Variants in KDM4B observed in about 807,000 individuals in gnomAD.
KDM4B encodes the protein lysine demethylase 4B.
In KDM4B, 32 loss-of-function variants were observed where a neutral mutation model predicts 125.2. The ratio of observed to expected loss-of-function variants is 0.26; its 90% CI spans 0.19 to 0.34. KDM4B has a LOEUF of 0.34. KDM4B is among the 10% of genes least tolerant of loss of function. The probability of loss-of-function intolerance (pLI) is 1.00; values close to 1 mark genes in which losing one functional copy is unlikely to be tolerated. For missense variants in KDM4B, 1,190 were observed against 1,577.7 expected, an observed-to-expected ratio of 0.75 and a Z score of 4.16; for synonymous variants, 721 against 677.9, an observed-to-expected ratio of 1.06 and a Z score of -0.99.
chr19:5,137,073 G>A (rs961901393), intron 15 of KDM4B, among the ~76,000 whole-genome samples, 189 bp from the exon 16 acceptor site: 1 of 152,214 alleles, frequency 6.6e-6, no homozygotes, highest in Non-Finnish European at 1.5e-5. Context: ...TCCACATGCA[G>A]TGGCCTGGAT....
chr19:5,090,229 C>T (rs1013609167), intron 9 of KDM4B, among the ~76,000 whole-genome samples: 8 of 152,076 alleles, frequency 5.3e-5, no homozygotes, highest in South Asian at 2.1e-4. Flanking sequence ...GCAGGCTTGC[C>T]TCCCTAGCCA....
intron 1 of KDM4B, among the ~76,000 whole-genome samples, chr19:4,985,757 C>T (rs8105691): frequency 0.29 from 44,497 of 152,166 alleles, 7,201 homozygotes; most frequent in East Asian, 0.68. Flanking sequence ...CTGCCCCCAG[C>T]GTTGGGCCAG....
chr19:5,070,908 C>T, intron 6 of KDM4B, 102 bp from the exon 7 acceptor site: 1 of 1,235,602 alleles, frequency 8.1e-7, no homozygotes, highest in Non-Finnish European at 1.2e-6. Flanking sequence ...TTGCTTCTGC[C>T]CTGGGCACTG....
rs2145871392 is a variant in KDM4B, at chr19:5,082,328, T to C, written c.781-39T>C. On this transcript the variant is annotated intron_variant, in intron 8 of 22. Coordinates refer to ENST00000159111, the MANE Select transcript of KDM4B (RefSeq NM_015015.3). The surrounding 1 kb of genome is among the most constrained non-coding windows in gnomAD (Gnocchi z 5.4). ...CACGTCCCATCCCCTGGTGCGCCTC[T>C]GGTGGCCCTGCCCTCACCTGTCTCC... The C allele has an allele frequency of 1.2e-6, 2 of 1,612,072 alleles. No homozygotes were observed.
intron 1 of KDM4B, among the ~76,000 whole-genome samples, chr19:4,977,103 T>G (rs1439190237): frequency 6.6e-6 from 1 of 152,068 alleles, no homozygotes; most frequent in African/African-American, 2.4e-5. Context: ...CTCCCTTCCC[T>G]CTTTCTTTTC....
At chr19:5,032,258 T>C (rs1230506104) in intron 2 of KDM4B, among the ~76,000 whole-genome samples, 1 of 152,222 alleles carries the variant, frequency 6.6e-6, no homozygotes, top group Non-Finnish European at 1.5e-5. Flanking sequence ...GGCTGGTTTA[T>C]GACCCGCGTG....
intron 10 of KDM4B, among the ~76,000 whole-genome samples, chr19:5,116,945 C>T (rs943311946): frequency 7.2e-5 from 11 of 152,144 alleles, no homozygotes; most frequent in African/African-American, 2.4e-4. Flanking sequence ...TGCAGAAACA[C>T]GCGAAGGGGG....
At chr19:5,119,366 C>T (rs1176116472) in intron 10 of KDM4B, 24 of 663,608 alleles carry the variant, frequency 3.6e-5, no homozygotes, top group East Asian at 8.1e-5. Context: ...TGGTGTCAGT[C>T]GGCTTCCCAT....
chr19:5,077,534 C>A, intron 8 of KDM4B, 64 bp downstream of exon 8: 1 of 1,326,756 alleles, frequency 7.5e-7, no homozygotes, highest in Non-Finnish European at 1.1e-6. Flanking sequence ...GCCCAGGTGG[C>A]CGCACATACC....
At chr19:5,009,793 G>A (rs1325609725) in intron 1 of KDM4B, among the ~76,000 whole-genome samples, 4 of 151,874 alleles carry the variant, frequency 2.6e-5, no homozygotes, top group East Asian at 1.9e-4. Context: ...GTGCAGGGGC[G>A]CCATCTTGGC....
intron 1 of KDM4B, among the ~76,000 whole-genome samples, chr19:4,981,577 C>G (rs559707252): frequency 1.3e-5 from 2 of 152,166 alleles, no homozygotes; most frequent in African/African-American, 4.8e-5. Flanking sequence ...CTGGACGTCC[C>G]CCCAGGAGGT....
rs1360801202 is a variant in KDM4B, at chr19:5,137,671, T to C, written c.2436T>C (p.Asp812=). The change falls in exon 17 of 23, where the codon GAT becomes GAC. Residue 812 remains aspartate, a synonymous_variant. Transcript: ENST00000159111. The part of the protein sequence containing the change: ...LRGGALQMTT[D]RRWIHVICAI... The stretch of plus-strand genomic sequence containing the variant: ...GAGGTGCGCTGCAGATGACCACCGA[T>C]AGGAGGTGGGTGGCACCGCGCGTTG... 3.1e-6 allele frequency: 5 copies of C among 1,589,008 alleles called. No homozygotes were observed. The highest frequency in any genetic ancestry group is 1.3e-5 in the African/African-American group (1 of 74,390).
intron 2 of KDM4B, among the ~76,000 whole-genome samples, chr19:5,018,949 C>T (rs1204682163): frequency 6.6e-6 from 1 of 152,258 alleles, no homozygotes; most frequent in East Asian, 1.9e-4. Flanking sequence ...GGGCGACCTG[C>T]TCCCCTGCTG....
At chr19:5,120,089 G>A (rs2039332458) in intron 11 of KDM4B, among the ~76,000 whole-genome samples, 1 of 152,200 alleles carries the variant, frequency 6.6e-6, no homozygotes, top group Non-Finnish European at 1.5e-5. Context: ...AGGCGCAGTG[G>A]CTCCCACCTG....
rs1004033707 is a variant in KDM4B, at chr19:5,034,581, C to G, written c.141+1550C>G. Among the ~76,000 whole-genome samples the G allele has an allele frequency of 5.9e-5, 9 of 152,320 alleles. No individual in the cohort carries two copies. In the South Asian group the frequency reaches 1.0e-3, roughly 18 times the overall value. On this transcript the variant is annotated intron_variant, in intron 3 of 22. Transcript: ENST00000159111. Reference sequence around the variant, plus strand: ...TCATAACTCAAAGGCTATACAGAAGCAGGAAGGGGCTGATTCGGCCCGAGG... The same window carrying G: ...TCATAACTCAAAGGCTATACAGAAGGAGGAAGGGGCTGATTCGGCCCGAGG...
At chr19:5,070,951 A>T in intron 6 of KDM4B, 59 bp from the exon 7 acceptor site, 1 of 1,579,418 alleles carries the variant, frequency 6.3e-7, no homozygotes, top group Non-Finnish European at 8.7e-7. Context: ...CCCACCAGGG[A>T]CACCCCCTTG....
At chr19:5,151,051 G>A (rs1166622084) in intron 22 of KDM4B, among the ~76,000 whole-genome samples, 19 of 152,302 alleles carry the variant, frequency 1.2e-4, no homozygotes, top group South Asian at 2.1e-4. Flanking sequence ...CTGCTCAGCC[G>A]CAGAGGGGTC....
intron 6 of KDM4B, among the ~76,000 whole-genome samples, chr19:5,066,851 G>T (rs1370838768): frequency 2.0e-5 from 3 of 152,138 alleles, no homozygotes; most frequent in Non-Finnish European, 4.4e-5. Flanking sequence ...GAGTGGGTAC[G>T]GGGGGCAGAC....
intron 1 of KDM4B, among the ~76,000 whole-genome samples, chr19:5,015,265 C>T (rs1303591769): frequency 6.6e-6 from 1 of 151,794 alleles, no homozygotes; most frequent in Non-Finnish European, 1.5e-5. Flanking sequence ...TTTTTTTTCC[C>T]TAGACGTAGT....
Sources: allele counts gnomAD v4.1 joint callset (sites outside exome capture counted in the v4.1 genomes callset), GRCh38; gene constraint gnomAD v4.1.1; non-coding constraint Gnocchi (gnomAD v3.1); transcripts MANE v1.5; gene names NCBI Gene and HGNC (gene_info 2026-07-23, HGNC 2026-07-21).